The following GRM8 variants were observed in gnomAD, a reference collection of about 807,000 sequenced individuals.
GRM8 encodes glutamate metabotropic receptor 8.
A neutral mutation model predicts 87.2 loss-of-function variants in GRM8; 47 were observed. The ratio of observed to expected loss-of-function variants is 0.54; its 90% CI spans 0.43 to 0.69. GRM8 has a LOEUF of 0.69. GRM8 is among the 30% of genes least tolerant of loss of function. The pLI, the probability that GRM8 is intolerant of heterozygous loss-of-function variation, is 0.00. For missense variants in GRM8, 1,019 were observed against 1,139.2 expected (o/e 0.89, Z 1.52); for synonymous variants, 396 against 404.5 (o/e 0.98, Z 0.25).
intron 7 of GRM8, among the ~76,000 whole-genome samples, chr7:126,679,697 G>C (rs541012504): frequency 2.2e-4 from 33 of 152,266 alleles, no homozygotes; most frequent in African/African-American, 7.7e-4. Flanking sequence ...CCAATCTGTA[G>C]ATGCAAGGGC....
chr7:126,961,551 C>T (rs1809322980), intron 3 of GRM8, among the ~76,000 whole-genome samples: 1 of 152,176 alleles, frequency 6.6e-6, no homozygotes, highest in Admixed American at 6.5e-5. Context: ...CCATGGGATC[C>T]TACTATGTGC....
At chr7:126,738,050 G>T (rs1296009659) in intron 7 of GRM8, among the ~76,000 whole-genome samples, 1 of 152,056 alleles carries the variant, frequency 6.6e-6, no homozygotes, top group Non-Finnish European at 1.5e-5. Context: ...AAACAGAAGA[G>T]AGAATTATTC....
chr7:127,144,737 T>C (rs1438906126), intron 2 of GRM8, among the ~76,000 whole-genome samples: 1 of 152,112 alleles, frequency 6.6e-6, no homozygotes, highest in Non-Finnish European at 1.5e-5. Context: ...ATGTTTAAAG[T>C]GCATCTCCCC....
intron 8 of GRM8, among the ~76,000 whole-genome samples, chr7:126,599,155 A>T (rs1053876142): frequency 2.0e-5 from 3 of 152,142 alleles, no homozygotes; most frequent in African/African-American, 7.2e-5. Context: ...GGCATGGGCA[A>T]GAATAAAAGC....
At chr7:126,485,950 A>G (rs1333053974) in intron 9 of GRM8, among the ~76,000 whole-genome samples, 1 of 152,030 alleles carries the variant, frequency 6.6e-6, no homozygotes, top group East Asian at 1.9e-4. Flanking sequence ...AACATGACCT[A>G]AGGCCATGCA....
chr7:126,718,129 C>T (rs1371745698), intron 7 of GRM8, among the ~76,000 whole-genome samples: 1 of 151,848 alleles, frequency 6.6e-6, no homozygotes, highest in Non-Finnish European at 1.5e-5. Context: ...CCCAGCTACT[C>T]GGGAGGCTGA....
At chr7:126,439,332 G>A (rs1801190047) in intron 10 of GRM8, among the ~76,000 whole-genome samples, 164 bp from the exon 11 acceptor site, 1 of 152,002 alleles carries the variant, frequency 6.6e-6, no homozygotes, top group African/African-American at 2.4e-5. Flanking sequence ...ACAGCACAAC[G>A]ACATTTGAGC....
chr7:126,491,110 A>G (rs1807956900), intron 9 of GRM8, among the ~76,000 whole-genome samples: 1 of 152,066 alleles, frequency 6.6e-6, no homozygotes, highest in Admixed American at 6.6e-5. Flanking sequence ...TAATTACCCT[A>G]TCCACCATGA....
At chr7:126,952,171 C>A (rs1209862298) in intron 3 of GRM8, among the ~76,000 whole-genome samples, 1 of 151,670 alleles carries the variant, frequency 6.6e-6, no homozygotes, top group Non-Finnish European at 1.5e-5. Context: ...TAAGAGAGCA[C>A]AAACACTAAA....
chr7:127,142,598 A>G (rs1828333861), intron 2 of GRM8, among the ~76,000 whole-genome samples: 1 of 152,192 alleles, frequency 6.6e-6, no homozygotes. Flanking sequence ...AGCAAATAGT[A>G]AGCATAAGAA....
At chr7:126,984,511 C>T (rs1323144429) in intron 3 of GRM8, among the ~76,000 whole-genome samples, 2 of 152,206 alleles carry the variant, frequency 1.3e-5, no homozygotes, top group Non-Finnish European at 2.9e-5. Context: ...ATATCTTTCT[C>T]CCGTGCTAGA....
chr7:126,870,967 G>A (rs890612937), intron 6 of GRM8, among the ~76,000 whole-genome samples: 2 of 152,168 alleles, frequency 1.3e-5, no homozygotes, highest in East Asian at 3.8e-4. Flanking sequence ...CATTTTTTGA[G>A]AGGAAAACTT....
At chr7:126,964,924 G>T (rs1049134735) in intron 3 of GRM8, among the ~76,000 whole-genome samples, 1 of 152,154 alleles carries the variant, frequency 6.6e-6, no homozygotes, top group African/African-American at 2.4e-5. Context: ...GCCCATCAAT[G>T]ATAAACTGGA....
chr7:126,520,194 G>T (rs529416135), intron 9 of GRM8, among the ~76,000 whole-genome samples: 2 of 151,938 alleles, frequency 1.3e-5, no homozygotes, highest in Non-Finnish European at 2.9e-5. Context: ...AAGAAGAGAA[G>T]TCTAAAAAGA....
intron 8 of GRM8, among the ~76,000 whole-genome samples, chr7:126,552,425 A>G (rs1183035105): frequency 6.6e-6 from 1 of 152,126 alleles, no homozygotes; most frequent in East Asian, 1.9e-4. Flanking sequence ...ATATAATCCA[A>G]CTTTCAATTT....
At chr7:126,474,505 A>T (rs1372297155) in intron 9 of GRM8, among the ~76,000 whole-genome samples, 1 of 152,118 alleles carries the variant, frequency 6.6e-6, no homozygotes, top group Non-Finnish European at 1.5e-5. Context: ...TTGGGCTCAA[A>T]TAATCTGCCT....
intron 8 of GRM8, among the ~76,000 whole-genome samples, chr7:126,570,361 C>T (rs1194370280): frequency 1.3e-5 from 2 of 152,162 alleles, no homozygotes; most frequent in Admixed American, 6.5e-5. Flanking sequence ...GGGTCCTAGA[C>T]ATCTGTCAGG....
chr7:126,998,987 A>G (rs1170005727), intron 3 of GRM8, among the ~76,000 whole-genome samples: 1 of 152,030 alleles, frequency 6.6e-6, no homozygotes, highest in Non-Finnish European at 1.5e-5. Flanking sequence ...TGGAGAAACC[A>G]CATTACCTGA....
At chr7:127,099,017 A>G (rs756114378) in intron 3 of GRM8, among the ~76,000 whole-genome samples, 1 of 152,254 alleles carries the variant, frequency 6.6e-6, no homozygotes, top group Non-Finnish European at 1.5e-5. Context: ...TGATAGCAGT[A>G]GCATTAACAT....
Sources: gnomAD v4.1 joint callset for allele counts (sites outside exome capture counted in the v4.1 genomes callset) on GRCh38, gnomAD v4.1.1 for gene constraint, MANE v1.5 for transcripts, NCBI Gene and HGNC (gene_info 2026-07-23, HGNC 2026-07-21) for gene names.